The following AGAP1 variants were observed in gnomAD, a reference collection of about 807,000 sequenced individuals.
AGAP1 encodes the protein arf-GAP with GTPase, ANK repeat and PH domain-containing protein 1.
In AGAP1, 29 loss-of-function variants were observed where a neutral mutation model predicts 105.3. The observed-to-expected ratio is 0.28, with a 90% confidence interval of 0.21 to 0.38. The LOEUF is 0.38. AGAP1 is among the 10% of genes least tolerant of loss of function. AGAP1 has a pLI of 1.00. For missense variants in AGAP1, 998 were observed against 1,165.1 expected, an observed-to-expected ratio of 0.86 and a Z score of 2.09; for synonymous variants, 509 against 485.9, an observed-to-expected ratio of 1.05 and a Z score of -0.63.
intron 16 of AGAP1, among the ~76,000 whole-genome samples, chr2:236,060,636 A>G (rs1033291523): frequency 6.6e-6 from 1 of 152,130 alleles, no homozygotes; most frequent in African/African-American, 2.4e-5. Flanking sequence ...TCAAGGCTGC[A>G]GTGAGCCGTG....
At chr2:235,847,319 T>C (rs1961614215) in intron 9 of AGAP1, among the ~76,000 whole-genome samples, 1 of 152,248 alleles carries the variant, frequency 6.6e-6, no homozygotes, top group Non-Finnish European at 1.5e-5. Context: ...CTTTTGACTC[T>C]ATCCCAAAAT....
At chr2:235,686,537 C>A (rs1333124120) in intron 1 of AGAP1, among the ~76,000 whole-genome samples, 1 of 129,792 alleles carries the variant, frequency 7.7e-6, no homozygotes, top group Non-Finnish European at 1.6e-5. Flanking sequence ...TTCTGGTTCC[C>A]AGGAAGGAGA....
intron 1 of AGAP1, among the ~76,000 whole-genome samples, chr2:235,508,254 C>T (rs1189416077): frequency 5.3e-5 from 8 of 152,162 alleles, no homozygotes; most frequent in Admixed American, 3.3e-4. Flanking sequence ...CAACTAACTG[C>T]GTGTGTCTTT....
chr2:235,808,232 G>A (rs144502619), intron 9 of AGAP1, among the ~76,000 whole-genome samples: 9 of 152,322 alleles, frequency 5.9e-5, no homozygotes, highest in East Asian at 1.9e-4. Context: ...GAATGGCTCC[G>A]CCTCTCAGGC....
At chr2:235,758,659 G>A (rs1030394249) in intron 6 of AGAP1, among the ~76,000 whole-genome samples, 2 of 152,214 alleles carry the variant, frequency 1.3e-5, no homozygotes, top group African/African-American at 4.8e-5. Flanking sequence ...AACATTTTCT[G>A]AGAACAAAGA....
rs80329993 is a variant in AGAP1, at chr2:235,938,205, T to G, written c.1483+7282T>G. Among the ~76,000 whole-genome samples the G allele has an allele frequency of 2.6e-5, 4 of 152,302 alleles. No individual in the cohort carries two copies. In the East Asian group the frequency reaches 7.7e-4, roughly 29 times the overall value. On this transcript the variant is annotated intron_variant, in intron 12 of 17. Transcript: ENST00000304032. The stretch of plus-strand genomic sequence containing the variant: ...CCCCCAGGAGATGAGTGCCAGAGCC[T>G]TCCCTGCTTCAGATGAGGAGATGAG...
chr2:235,790,525 C>T (rs1414613784), intron 6 of AGAP1, among the ~76,000 whole-genome samples: 1 of 152,170 alleles, frequency 6.6e-6, no homozygotes, highest in Non-Finnish European at 1.5e-5. Context: ...TATCTTCTAA[C>T]CACCCCAGGT....
intron 9 of AGAP1, among the ~76,000 whole-genome samples, chr2:235,856,163 C>T (rs1289597297): frequency 1.3e-5 from 2 of 152,122 alleles, no homozygotes; most frequent in Admixed American, 6.5e-5. Context: ...CCACTCGCCT[C>T]GGCCTCCCAA....
At position 235,904,870 on chromosome 2, in the gene AGAP1, T is replaced by C. The variant is rs2051227214; in HGVS notation, c.1156-3868T>C. Among the ~76,000 whole-genome samples, 2 of 152,190 alleles carry C rather than the reference T, an allele frequency of 1.3e-5. No individual in the cohort carries two copies. Among genetic ancestry groups the C allele is most frequent in the African/African-American group, 4.8e-5 (2 of 41,444 alleles). ...TCCCACCTGTGTGTGAAGCGCTGAG[T>C]CGGAGGGCTTTTATTGAGTAGGAAA... is the stretch of plus-strand genomic sequence containing the variant. On this transcript the variant is annotated intron_variant, in intron 10 of 17. Coordinates refer to ENST00000304032, the MANE Select transcript of AGAP1 (RefSeq NM_001037131.3). The surrounding 1 kb of genome is among the most constrained non-coding windows in gnomAD (Gnocchi z 4.2).
rs376044057 is a variant in AGAP1, at chr2:235,758,723, A to G, written c.673+8235A>G. 1.8e-4 allele frequency among the ~76,000 whole-genome samples: 28 copies of G among 152,344 alleles called. 1 individual carries two copies. Among genetic ancestry groups the G allele is most frequent in the African/African-American group, 6.0e-4 (25 of 41,580 alleles). On this transcript the variant is annotated intron_variant, in intron 6 of 17. Transcript: ENST00000304032. ...CTCTGGCAGCACTTATGCGGTACCA[A>G]TACAAATGGGGGTTGGGGGCTGAGC...
rs147522058 is a variant in AGAP1 at position 236,038,815 on chromosome 2, T to TTGTA, written c.1801-1932_1801-1929dup. Among the ~76,000 whole-genome samples, 1 of 128,572 alleles carries TTGTA rather than the reference T, an allele frequency of 7.8e-6. No individual in the cohort carries two copies. The highest frequency in any genetic ancestry group is 1.6e-5 in the Non-Finnish European group (1 of 62,822). 84.3% of individuals were successfully genotyped at this position (128,572 alleles called of 152,430 possible). A position where few individuals can be genotyped will look rare whatever the true frequency, so the allele number is the denominator to read the frequency against. ...CACAGAGAGACAGAGGCACATCCCT[T>TTGTA]TGTATGTGTGTGTGTGTGTGTGTGT... On this transcript the variant is annotated intron_variant, in intron 14 of 17. Transcript: ENST00000304032. This position sits in a 1 kb window ranked among gnomAD's most constrained non-coding sequence, Gnocchi z 4.5.
Position 235,686,665 on chromosome 2 carries a change from A to ATTTTT in AGAP1, c.164-22503_164-22499dup, listed in dbSNP as rs1200927776. ...TATATAGATATATATATATATATAT[A>ATTTTT]TTTTTTTTTTTTTTTAGACAGAGTC... On this transcript the variant is annotated intron_variant, in intron 1 of 17. Transcript: ENST00000304032. 4.9e-4 allele frequency among the ~76,000 whole-genome samples: 38 copies of ATTTTT among 77,484 alleles called. 1 individual carries two copies. The East Asian group carries it at 5.4e-3, about 11-fold the overall frequency. 50.8% of individuals were successfully genotyped at this position (77,484 alleles called of 152,430 possible). A position where few individuals can be genotyped will look rare whatever the true frequency, so the allele number is the denominator to read the frequency against.
At position 236,114,638 on chromosome 2, in the gene AGAP1, G is replaced by A. The variant is rs2059725807; in HGVS notation, c.2115-5554G>A. The stretch of plus-strand genomic sequence containing the variant: ...CCTGTGTCCTGCCTTTCCTCCGGGT[G>A]TGCTCAGAGGGAGAGAGACATCACC... On this transcript the variant is annotated intron_variant, in intron 16 of 17. Coordinates refer to ENST00000304032, the MANE Select transcript of AGAP1 (RefSeq NM_001037131.3). This position sits in a 1 kb window ranked among gnomAD's most constrained non-coding sequence, Gnocchi z 5.0. Among the ~76,000 whole-genome samples the A allele has an allele frequency of 6.6e-6, 1 of 152,142 alleles. No individual in the cohort carries two copies.
chr2:235,797,944 T>A (rs925161176), intron 7 of AGAP1, 58 bp downstream of exon 7: 9 of 1,585,906 alleles, frequency 5.7e-6, no homozygotes, highest in Non-Finnish European at 7.7e-6. Flanking sequence ...ATGCAAATAG[T>A]GTTCCCAGCC....
Position 235,578,552 on chromosome 2 carries a change from G to A in AGAP1, c.163+83703G>A, listed in dbSNP as rs1944813305. On this transcript the variant is annotated intron_variant, in intron 1 of 17. Transcript: ENST00000304032. This position sits in a 1 kb window ranked among gnomAD's most constrained non-coding sequence, Gnocchi z 4.9. ...CACCCCAGCACTTTGGGAGGCTGAG[G>A]CAGGCGGATCACTTGAGGTCAGGAG... is the stretch of plus-strand genomic sequence containing the variant. Among the ~76,000 whole-genome samples, 1 of 152,156 alleles carries A rather than the reference G, an allele frequency of 6.6e-6. No homozygotes were observed. The highest frequency in any genetic ancestry group is 1.5e-5 in the Non-Finnish European group (1 of 68,036).
Position 236,042,706 on chromosome 2 carries a change from C to T in AGAP1, c.1891+1865C>T, listed in dbSNP as rs575303241. ...TGAGATGAGCTTGTGCATGTGAGTG[C>T]GGATGGGGGGTGGGAAAGGGAGGCC... is the stretch of plus-strand genomic sequence containing the variant. On this transcript the variant is annotated intron_variant, in intron 15 of 17. Transcript: ENST00000304032. The surrounding 1 kb of genome is among the most constrained non-coding windows in gnomAD (Gnocchi z 5.6). Among the ~76,000 whole-genome samples, 30 of 151,880 alleles carry T rather than the reference C, an allele frequency of 2.0e-4. 1 individual carries two copies. The highest frequency in any genetic ancestry group is 5.2e-4 in the Admixed American group (8 of 15,274).
At chr2:235,939,100 G>T (rs1400233055) in intron 12 of AGAP1, among the ~76,000 whole-genome samples, 1 of 152,112 alleles carries the variant, frequency 6.6e-6, no homozygotes, top group Non-Finnish European at 1.5e-5. Flanking sequence ...CCAGAGAATT[G>T]AACTGGGAGC....
rs1369600659 is a variant in AGAP1 at position 236,073,877 on chromosome 2, A to G, written c.2114+24596A>G. Among the ~76,000 whole-genome samples, 3 of 151,972 alleles carry G rather than the reference A, an allele frequency of 2.0e-5. No individual in the cohort carries two copies. The highest frequency in any genetic ancestry group is 2.9e-5 in the Non-Finnish European group (2 of 67,980). ...CCCACCAGACCCCCAGAATCACACT[A>G]TGCTGGTTGGCCTGGGCATGCCCCT... On this transcript the variant is annotated intron_variant, in intron 16 of 17. Transcript: ENST00000304032. The surrounding 1 kb of genome is among the most constrained non-coding windows in gnomAD (Gnocchi z 5.4).
intron 11 of AGAP1, among the ~76,000 whole-genome samples, chr2:235,910,667 C>T (rs964253042): frequency 1.3e-5 from 2 of 152,186 alleles, no homozygotes; most frequent in African/African-American, 2.4e-5. Flanking sequence ...CCTGTAACCC[C>T]AGCACTTTGG....
Sources: gnomAD v4.1 joint callset for allele counts (sites outside exome capture counted in the v4.1 genomes callset) on GRCh38, gnomAD v4.1.1 for gene constraint, Gnocchi (gnomAD v3.1) non-coding constraint, MANE v1.5 for transcripts, NCBI Gene and HGNC (gene_info 2026-07-23, HGNC 2026-07-21) for gene names.